CSMD2: variants seen among roughly 807,000 people sequenced by gnomAD.
CSMD2 encodes the protein CUB and sushi domain-containing protein 2.
A neutral mutation model predicts 398.5 loss-of-function variants in CSMD2; 130 were observed. The ratio of observed to expected loss-of-function variants is 0.33; its 90% CI spans 0.28 to 0.38. The LOEUF (loss-of-function observed/expected upper bound fraction) is 0.38, where lower values mean the gene tolerates loss of function less well. Among genes scored for constraint, CSMD2 ranks in the 10% least tolerant of loss-of-function variants. The probability of loss-of-function intolerance (pLI) is 1.00; values close to 1 mark genes in which losing one functional copy is unlikely to be tolerated. For synonymous variants in CSMD2, 1,828 were observed against 1,908.5 expected (o/e 0.96, Z 1.10); for missense variants, 3,829 against 4,764.9 (o/e 0.80, Z 5.78).
intron 3 of CSMD2, among the ~76,000 whole-genome samples, chr1:33,938,395 C>T (rs1183705557): frequency 6.6e-6 from 1 of 151,734 alleles, no homozygotes. Flanking sequence ...TCCCCTGCTG[C>T]TGGCTTACTT....
At chr1:33,560,491 T>C (rs1279680752) in intron 53 of CSMD2, among the ~76,000 whole-genome samples, 1 of 152,238 alleles carries the variant, frequency 6.6e-6, no homozygotes, top group East Asian at 1.9e-4. Flanking sequence ...TTCATGAATA[T>C]ACAAAGCAAG....
chr1:33,707,488 C>G (rs981245921), intron 22 of CSMD2, among the ~76,000 whole-genome samples: 2 of 152,132 alleles, frequency 1.3e-5, no homozygotes, highest in African/African-American at 4.8e-5. Context: ...AAACCCTTGT[C>G]TTGTATTCTC....
In CSMD2 at chr1:33,636,848, T is replaced by G. The variant is rs1236753471; in HGVS notation, c.4775-294A>C. On this transcript the variant is annotated intron_variant, in intron 29 of 70. Transcript: ENST00000373381. The surrounding 1 kb of genome is among the most constrained non-coding windows in gnomAD (Gnocchi z 4.8). ...ATCGCTGAGGCCCTCTCTCATCCCCTGCTTGCTCCTCCCCAAGGGAAACAT... is the reference window on the plus strand; with the variant it reads ...ATCGCTGAGGCCCTCTCTCATCCCCGGCTTGCTCCTCCCCAAGGGAAACAT... 6.6e-6 allele frequency among the ~76,000 whole-genome samples: 1 copy of G among 152,156 alleles called. No homozygotes were observed. The highest frequency in any genetic ancestry group is 2.4e-5 in the African/African-American group (1 of 41,448).
chr1:33,689,706 CATGG>C (rs549622885), intron 25 of CSMD2, among the ~76,000 whole-genome samples: 3 of 152,126 alleles, frequency 2.0e-5, no homozygotes, highest in Non-Finnish European at 4.4e-5. Context: ...GCCGCTATGC[CATGG>C]ATGAACACAT....
At chr1:33,714,936 C>G (rs1274704145) in intron 20 of CSMD2, among the ~76,000 whole-genome samples, 161 bp from the exon 21 acceptor site, 3 of 151,936 alleles carry the variant, frequency 2.0e-5, no homozygotes, top group African/African-American at 7.3e-5. Context: ...TGACACTGGC[C>G]CAAAAAGAGA....
At chr1:33,608,875 G>C (rs116419342) in intron 41 of CSMD2, among the ~76,000 whole-genome samples, 2,099 of 152,246 alleles carry the variant, frequency 0.014, 55 homozygotes, top group African/African-American at 0.047. Context: ...CCCAGTTTGT[G>C]GTACTTTCTT....
Position 33,646,731 on chromosome 1 carries a change from A to G in CSMD2, c.4691T>C (p.Ile1564Thr). ...SFYGSQLPGR[I>T]ESSSNSLFLA... is the part of the protein sequence containing the mutation. ...GAAGAGGCTGTTGCTGCTGCTTTCA[A>G]TGCGGCCTGGGAGCTGGGAGCCATA... Residue 1564 changes from isoleucine (I) to threonine (T), a missense_variant, in exon 29 of 71, where the codon ATT becomes ACT. This residue lies in a region of CSMD2 where 2,001 missense variants were observed against 2,567.1 expected (regional missense o/e 0.78). Coordinates refer to ENST00000373381, the MANE Select transcript of CSMD2 (RefSeq NM_001281956.2). 6.2e-7 allele frequency: 1 copy of G among 1,614,198 alleles called. No individual in the cohort carries two copies. The highest frequency in any genetic ancestry group is 8.5e-7 in the Non-Finnish European group (1 of 1,180,026).
chr1:33,623,489 T>C, intron 35 of CSMD2, 23 bp from the exon 36 acceptor site: 1 of 1,586,198 alleles, frequency 6.3e-7, no homozygotes, highest in East Asian at 2.2e-5. Context: ...AAGAGTGAAT[T>C]GTTGGTTAGG....
intron 1 of CSMD2, among the ~76,000 whole-genome samples, chr1:34,158,329 G>C (rs1050953494): frequency 6.6e-6 from 1 of 152,178 alleles, no homozygotes; most frequent in Non-Finnish European, 1.5e-5. Context: ...GGTTCACCCC[G>C]ATGTTCCCCT....
intron 3 of CSMD2, among the ~76,000 whole-genome samples, chr1:33,968,576 G>A (rs1645643624): frequency 6.6e-6 from 1 of 152,214 alleles, no homozygotes; most frequent in South Asian, 2.1e-4. Context: ...AATTGAAGTT[G>A]GCCTCTGGGA....
At chr1:33,604,527 G>C (rs548188580) in intron 42 of CSMD2, among the ~76,000 whole-genome samples, 1 of 152,220 alleles carries the variant, frequency 6.6e-6, no homozygotes, top group South Asian at 2.1e-4. Context: ...AGGGGTTTGA[G>C]TTGGAGCCTG....
intron 41 of CSMD2, among the ~76,000 whole-genome samples, chr1:33,610,295 C>T (rs547740071): frequency 1.3e-5 from 2 of 149,048 alleles, no homozygotes; most frequent in East Asian, 3.9e-4. Context: ...TTTAAAAATT[C>T]AGTGGAAGAA....
chr1:33,545,986 C>T (rs372456796), intron 57 of CSMD2, 51 bp downstream of exon 57: 24 of 1,548,252 alleles, frequency 1.6e-5, no homozygotes, highest in South Asian at 4.8e-5. Context: ...GGAGCAGGGG[C>T]GAGCTCTGGG....
intron 5 of CSMD2, among the ~76,000 whole-genome samples, chr1:33,896,831 G>A (rs1393164427): frequency 1.3e-5 from 2 of 152,088 alleles, no homozygotes; most frequent in African/African-American, 4.8e-5. Context: ...AGGGGAGGGA[G>A]TCAGATGTGT....
chr1:34,086,410 C>A (rs532504599), intron 2 of CSMD2, among the ~76,000 whole-genome samples: 1 of 152,170 alleles, frequency 6.6e-6, no homozygotes, highest in Non-Finnish European at 1.5e-5. Context: ...TTCAAGTGCA[C>A]GTTAAGTGCC....
rs1655406432 is a variant in CSMD2 at position 33,533,089 on chromosome 1, C to A, written c.10132G>T (p.Ala3378Ser). Residue 3378 changes from alanine (A) to serine (S), a missense_variant, in exon 64 of 71, where the codon GCG becomes TCG. Physicochemically the swap from Ala to Ser is moderately conservative, Grantham distance 99 (BLOSUM62 1). Coordinates refer to ENST00000373381, the MANE Select transcript of CSMD2 (RefSeq NM_001281956.2). The surrounding 1 kb of genome is among the most constrained non-coding windows in gnomAD (Gnocchi z 4.2). ...KGGSEHRTCK[A>S]DGSWTGKPPI... ...GGCTTGCCTGTCCAGCTGCCATCCGCCTTGCAGGTGCGGTGCTCGGAGCCA... is the reference window on the plus strand; with the variant it reads ...GGCTTGCCTGTCCAGCTGCCATCCGACTTGCAGGTGCGGTGCTCGGAGCCA... 1 of 1,613,710 alleles carries A rather than the reference C, an allele frequency of 6.2e-7. No homozygotes were observed. The highest frequency in any genetic ancestry group is 1.7e-4 in the Middle Eastern group (1 of 6,026).
chr1:33,655,691 G>T (rs947760154), intron 27 of CSMD2, among the ~76,000 whole-genome samples: 6 of 152,198 alleles, frequency 3.9e-5, no homozygotes, highest in African/African-American at 1.4e-4. Context: ...TCCCTGTAAT[G>T]AAGGGTTATC....
chr1:33,644,965 C>A (rs1019401434), intron 29 of CSMD2, among the ~76,000 whole-genome samples: 1 of 152,154 alleles, frequency 6.6e-6, no homozygotes, highest in South Asian at 2.1e-4. Flanking sequence ...TCTTCTAGAA[C>A]TGTACCCGAC....
chr1:33,649,572 A>G (rs1160973289), intron 28 of CSMD2, among the ~76,000 whole-genome samples: 1 of 152,172 alleles, frequency 6.6e-6, no homozygotes, highest in Non-Finnish European at 1.5e-5. Flanking sequence ...TAAACTCAGG[A>G]AGGAAGGGTT....
Sources: allele counts gnomAD v4.1 joint callset (sites outside exome capture counted in the v4.1 genomes callset), GRCh38; gene constraint gnomAD v4.1.1; regional missense constraint gnomAD v4.1.1; non-coding constraint Gnocchi (gnomAD v3.1); transcripts MANE v1.5; gene names NCBI Gene and HGNC (gene_info 2026-07-23, HGNC 2026-07-21).